The following IL1RAPL1 variants were observed in gnomAD, a reference collection of about 807,000 sequenced individuals.
IL1RAPL1 encodes the protein interleukin 1 receptor accessory protein like 1.
In IL1RAPL1, 3 loss-of-function variants were observed where a neutral mutation model predicts 48.4. The ratio of observed to expected loss-of-function variants is 0.06; its 90% CI spans 0.03 to 0.16. The LOEUF (loss-of-function observed/expected upper bound fraction) is 0.16. Among genes scored for constraint, IL1RAPL1 ranks in the 10% least tolerant of loss-of-function variants. IL1RAPL1 has a pLI of 1.00. For synonymous variants in IL1RAPL1, 185 were observed against 187.7 expected (o/e 0.99, Z 0.12); for missense variants, 349 against 530.6 (o/e 0.66, Z 3.36).
At chrX:29,781,166 T>C (rs779887396) in intron 6 of IL1RAPL1, among the ~76,000 whole-genome samples, 9 of 112,222 alleles carry the variant, frequency 8.0e-5, no homozygotes, top group South Asian at 7.4e-4. Context: ...ATCCTCTTTT[T>C]AACAGCATAC....
In IL1RAPL1 at chrX:29,600,812, C is replaced by G. The variant is rs186329327; in HGVS notation, c.704-67618C>G. ...TAAGTTCCCATGGGATTATGGCTGCCTCTGCTGAGTCCTACAGGTTGCCAG... is the reference window on the plus strand; with the variant it reads ...TAAGTTCCCATGGGATTATGGCTGCGTCTGCTGAGTCCTACAGGTTGCCAG... On this transcript the variant is annotated intron_variant, in intron 5 of 10. Transcript: ENST00000378993. 5.3e-3 allele frequency among the ~76,000 whole-genome samples: 590 copies of G among 110,879 alleles called. 5 individuals carry two copies. Among genetic ancestry groups the G allele is most frequent in the African/African-American group, 0.018 (541 of 30,466 alleles).
At chrX:28,756,387 C>T (rs1010033541) in intron 1 of IL1RAPL1, among the ~76,000 whole-genome samples, 2 of 111,713 alleles carry the variant, frequency 1.8e-5, no homozygotes, top group Admixed American at 1.9e-4. Context: ...AACCACATTT[C>T]CTAACTGTGT....
At chrX:29,647,347 CAAAA>C (rs763429832) in intron 5 of IL1RAPL1, among the ~76,000 whole-genome samples, 51 of 54,583 alleles carry the variant, frequency 9.3e-4, no homozygotes, top group African/African-American at 2.6e-3. Context: ...GACTCTGCCT[CAAAA>C]AAAAAAAAAA....
At chrX:29,367,612 G>A (rs146641025) in intron 3 of IL1RAPL1, among the ~76,000 whole-genome samples, 1,375 of 103,750 alleles carry the variant, frequency 0.013, 29 homozygotes, top group African/African-American at 0.045. Flanking sequence ...ATGAAGTTTC[G>A]CTCTGTCACC....
chrX:29,685,714 C>T (rs972988961), intron 6 of IL1RAPL1, among the ~76,000 whole-genome samples: 5 of 108,908 alleles, frequency 4.6e-5, no homozygotes, highest in African/African-American at 6.7e-5. Flanking sequence ...TGGCCAGGTG[C>T]GGTGGCTCAC....
chrX:28,613,996 A>G (rs1304900836), intron 1 of IL1RAPL1, among the ~76,000 whole-genome samples: 2 of 111,779 alleles, frequency 1.8e-5, no homozygotes, highest in Admixed American at 9.5e-5. Context: ...TGCTACTCAT[A>G]CTTTCTCCTG....
At chrX:29,334,546 C>T (rs1350022423) in intron 3 of IL1RAPL1, among the ~76,000 whole-genome samples, 1 of 111,915 alleles carries the variant, frequency 8.9e-6, no homozygotes, top group African/African-American at 3.2e-5. Context: ...GGAGGGGCTC[C>T]TCACTTCTCA....
rs752217637 is a variant in IL1RAPL1, at chrX:29,729,266, C to A, written c.778+60762C>A. 4.5e-5 allele frequency among the ~76,000 whole-genome samples: 5 copies of A among 111,417 alleles called. No homozygotes were observed. The East Asian group carries it at 1.4e-3, about 32-fold the overall frequency. Reference sequence around the variant, plus strand: ...TGACAATGAAGTAAAACCTACCTGTCACCCATTTTTCCCTCTGCATGCCAC... The same window carrying A: ...TGACAATGAAGTAAAACCTACCTGTAACCCATTTTTCCCTCTGCATGCCAC... On this transcript the variant is annotated intron_variant, in intron 6 of 10. Coordinates refer to ENST00000378993, the MANE Select transcript of IL1RAPL1 (RefSeq NM_014271.4).
intron 3 of IL1RAPL1, among the ~76,000 whole-genome samples, chrX:29,386,717 A>AT (rs34739248): frequency 0.14 from 14,585 of 107,549 alleles, 920 homozygotes; most frequent in African/African-American, 0.23. Flanking sequence ...TAATTTTTCT[A>AT]TTTTTTGTAG....
chrX:28,697,242 G>T (rs1330810009), intron 1 of IL1RAPL1, among the ~76,000 whole-genome samples: 1 of 110,148 alleles, frequency 9.1e-6, no homozygotes, highest in Non-Finnish European at 1.9e-5. Context: ...TTGTCAATTT[G>T]TAAGTATATT....
At chrX:29,557,858 TA>T (rs59334887) in intron 5 of IL1RAPL1, among the ~76,000 whole-genome samples, 2 of 109,748 alleles carry the variant, frequency 1.8e-5, no homozygotes, top group African/African-American at 6.7e-5. Flanking sequence ...TCCTTTTTTT[TA>T]AAAAAAAATG....
intron 2 of IL1RAPL1, among the ~76,000 whole-genome samples, chrX:29,023,719 T>G (rs1443670329): frequency 8.9e-6 from 1 of 112,359 alleles, no homozygotes; most frequent in Non-Finnish European, 1.9e-5. Flanking sequence ...TTGCCACTTA[T>G]GTCTTGATAC....
intron 2 of IL1RAPL1, among the ~76,000 whole-genome samples, chrX:29,160,542 A>G (rs952299129): frequency 1.2e-4 from 14 of 112,141 alleles, no homozygotes; most frequent in Non-Finnish European, 1.9e-5. Flanking sequence ...GCCAAGCATG[A>G]TTTATGATTT....
At chrX:28,632,573 G>C (rs1370574050) in intron 1 of IL1RAPL1, among the ~76,000 whole-genome samples, 1 of 111,244 alleles carries the variant, frequency 9.0e-6, no homozygotes, top group South Asian at 3.8e-4. Flanking sequence ...ATGCCAAAAA[G>C]CTTTTGTTTA....
intron 5 of IL1RAPL1, among the ~76,000 whole-genome samples, chrX:29,534,979 G>A (rs1602283917): frequency 9.6e-6 from 1 of 104,693 alleles, no homozygotes; most frequent in Non-Finnish European, 2.0e-5. Context: ...AAAAAAAAAA[G>A]AGAAATTAAC....
Position 28,814,367 on chromosome X carries a change from GTGTGTGTGTGTGTA to G in IL1RAPL1, c.82+24948_82+24961del, listed in dbSNP as rs1347170656. On this transcript the variant is annotated intron_variant, in intron 2 of 10. Transcript: ENST00000378993. ...TGTGTGTGTGTGTGTGTGTGTGTGT[GTGTGTGTGTGTGTA>G]TGTGTATGTGTGTGTGTGTAGTTTT... 4.1e-3 allele frequency among the ~76,000 whole-genome samples: 444 copies of G among 108,511 alleles called. 2 individuals are homozygous for G. The highest frequency in any genetic ancestry group is 5.8e-3 in the Non-Finnish European group (304 of 51,975). The allele number at this position is 108,511 out of a possible 115,157, so 94.2% of individuals were successfully genotyped here.
chrX:29,764,824 G>A (rs1928841891), intron 6 of IL1RAPL1, among the ~76,000 whole-genome samples: 1 of 111,811 alleles, frequency 8.9e-6, no homozygotes, highest in African/African-American at 3.3e-5. Context: ...GTCAAGATGA[G>A]GAAGTCCATT....
At chrX:29,044,987 A>C (rs1234504384) in intron 2 of IL1RAPL1, among the ~76,000 whole-genome samples, 1 of 111,862 alleles carries the variant, frequency 8.9e-6, no homozygotes, top group Admixed American at 9.5e-5. Context: ...GTGATTAATA[A>C]ATACTTAAAT....
In IL1RAPL1 at chrX:28,908,723, T is replaced by G. The variant is rs765138123; in HGVS notation, c.82+119298T>G. On this transcript the variant is annotated intron_variant, in intron 2 of 10. Transcript: ENST00000378993. ...ATATCAAGTTAATTGATGATGCTGTTCAGTTCAACTGTATCCTAACAAATT... is the reference window on the plus strand; with the variant it reads ...ATATCAAGTTAATTGATGATGCTGTGCAGTTCAACTGTATCCTAACAAATT... Among the ~76,000 whole-genome samples, 14 of 111,981 alleles carry G rather than the reference T, an allele frequency of 1.3e-4. No individual in the cohort carries two copies. In the East Asian group the frequency reaches 2.5e-3, roughly 20 times the overall value.
Sources: allele counts gnomAD v4.1 joint callset (sites outside exome capture counted in the v4.1 genomes callset), GRCh38; gene constraint gnomAD v4.1.1; transcripts MANE v1.5; gene names NCBI Gene and HGNC (gene_info 2026-07-23, HGNC 2026-07-21).